JRK: variants seen among roughly 807,000 people sequenced by gnomAD.
JRK encodes the protein Jrk helix-turn-helix protein.
For missense variants in JRK, 720 were observed against 509.2 expected, an observed-to-expected ratio of 1.41 and a Z score of -3.98; for synonymous variants, 303 against 218.1, an observed-to-expected ratio of 1.39 and a Z score of -3.43.
At chr8:142,651,622 G>A in the JRK span, among the ~76,000 whole-genome samples, 1 of 145,650 alleles carries the variant, frequency 6.9e-6, no homozygotes, top group Non-Finnish European at 1.5e-5. Context: ...CTTCAGATTT[G>A]ATCAAGTCAG....
At chr8:142,666,595 T>A in intron 1 of JRK, 75 bp from the exon 2 acceptor site, 3 of 201,834 alleles carry the variant, frequency 1.5e-5, no homozygotes, top group Non-Finnish European at 3.1e-5. Flanking sequence ...ACGACTCTCC[T>A]CACCGGGACA....
At chr8:142,656,130 C>T (rs1472421042), downstream of JRK, among the ~76,000 whole-genome samples, 1 of 152,208 alleles carries the variant, frequency 6.6e-6, no homozygotes, top group Non-Finnish European at 1.5e-5. Flanking sequence ...AGTGTATAGG[C>T]CATACTTTCC....
rs587596707 is a variant in JRK at position 142,664,138 on chromosome 8, C to T, written c.*214G>A. 112 of 1,331,882 alleles carry T rather than the reference C, an allele frequency of 8.4e-5. No individual in the cohort carries two copies. The African/African-American group carries it at 1.5e-3, about 18-fold the overall frequency. 82.5% of individuals were successfully genotyped at this position (1,331,882 alleles called of 1,614,324 possible). ...AACATTTCCTCACTTTCGGATGACA[C>T]GGCAAGTGATAAAATAAAACCTGTA... On this transcript the variant is annotated 3_prime_UTR_variant, in exon 2 of 2. Coordinates refer to ENST00000612905, the MANE Select transcript of JRK (RefSeq NM_003724.4).
In JRK at chr8:142,662,515, C is replaced by A. The variant is rs1846948055; in HGVS notation, c.*1837G>T. On this transcript the variant is annotated 3_prime_UTR_variant, in exon 2 of 2. Coordinates refer to ENST00000612905, the MANE Select transcript of JRK (RefSeq NM_003724.4). ...ACAATGAAGCAAACAGTGCGGGTGACACCACAAAGACAATGGGACACAAAT... is the reference window on the plus strand; with the variant it reads ...ACAATGAAGCAAACAGTGCGGGTGAAACCACAAAGACAATGGGACACAAAT... 1.0e-6 allele frequency: 1 copy of A among 985,354 alleles called. No homozygotes were observed. The highest frequency in any genetic ancestry group is 1.7e-5 in the African/African-American group (1 of 57,228). 61.0% of individuals were successfully genotyped at this position (985,354 alleles called of 1,614,324 possible). A position where few individuals can be genotyped will look rare whatever the true frequency, so the allele number is the denominator to read the frequency against.
the JRK span, among the ~76,000 whole-genome samples, chr8:142,646,000 C>CG: frequency 6.6e-6 from 1 of 151,524 alleles, no homozygotes; most frequent in South Asian, 2.1e-4. Flanking sequence ...AAAGCACACA[C>CG]TTTTTTTTAG....
Position 142,659,000 on chromosome 8 carries a change from A to T in JRK, c.*5352T>A, listed in dbSNP as rs1349637531. On this transcript the variant is annotated 3_prime_UTR_variant, in exon 2 of 2. Coordinates refer to ENST00000612905, the MANE Select transcript of JRK (RefSeq NM_003724.4). ...AGGAGCGTCAGTATGTCCACACCAT[A>T]GGGGTGTAGTCACTTCCCTCTGCCA... 1.5e-5 allele frequency: 23 copies of T among 1,574,320 alleles called. No individual in the cohort carries two copies. Among genetic ancestry groups the T allele is most frequent in the Non-Finnish European group, 2.0e-5 (23 of 1,158,534 alleles).
chr8:142,663,405 C>A lies in JRK; in HGVS notation c.*947G>T. ...GTGCTAACAGCTGGGGATAAGAGCA[C>A]ACATACTGCTAGAAATCTAAGCAGC... On this transcript the variant is annotated 3_prime_UTR_variant, in exon 2 of 2. Coordinates refer to ENST00000612905, the MANE Select transcript of JRK (RefSeq NM_003724.4). 1.0e-6 allele frequency: 1 copy of A among 985,460 alleles called. No individual in the cohort carries two copies. Among genetic ancestry groups the A allele is most frequent in the Non-Finnish European group, 1.2e-6 (1 of 829,950 alleles). The allele number at this position is 985,460 out of a possible 1,614,324, so 61.0% of individuals were successfully genotyped here. A position where few individuals can be genotyped will look rare whatever the true frequency, so the allele number is the denominator to read the frequency against.
Position 142,662,546 on chromosome 8 carries a change from C to G in JRK, c.*1806G>C, listed in dbSNP as rs1451446748. The G allele has an allele frequency of 1.0e-6, 1 of 985,296 alleles. No homozygotes were observed. 61.0% of individuals were successfully genotyped at this position (985,296 alleles called of 1,614,324 possible). Reference sequence around the variant, plus strand: ...AAAGACAATGGGACACAAATGGGAACTGGGACTGTCGTTCAGCACCGAGAT... The same window carrying G: ...AAAGACAATGGGACACAAATGGGAAGTGGGACTGTCGTTCAGCACCGAGAT... On this transcript the variant is annotated 3_prime_UTR_variant, in exon 2 of 2. Transcript: ENST00000612905.
Position 142,660,963 on chromosome 8 carries a change from C to T in JRK, c.*3389G>A, listed in dbSNP as rs939767310. 4 of 985,344 alleles carry T rather than the reference C, an allele frequency of 4.1e-6. No homozygotes were observed. The highest frequency in any genetic ancestry group is 1.7e-5 in the African/African-American group (1 of 57,228). 61.0% of individuals were successfully genotyped at this position (985,344 alleles called of 1,614,324 possible). A position where few individuals can be genotyped will look rare whatever the true frequency, so the allele number is the denominator to read the frequency against. ...TCCAACCCCAGCGAGCTGGGGAAGC[C>T]GTGGGCAGGGGCTGCGACTTCCTTT... On this transcript the variant is annotated 3_prime_UTR_variant, in exon 2 of 2. Transcript: ENST00000612905.
rs750530 is a variant in JRK, at chr8:142,663,514, A to T, written c.*838T>A. ...ATCAAGACGTATTCATGTAAAGGCC[A>T]TAAGTATGAAATTCTGGGCAACATG... On this transcript the variant is annotated 3_prime_UTR_variant, in exon 2 of 2. Coordinates refer to ENST00000612905, the MANE Select transcript of JRK (RefSeq NM_003724.4). The T allele has an allele frequency of 1.2e-4, 121 of 985,268 alleles. No individual in the cohort carries two copies. Among genetic ancestry groups the T allele is most frequent in the East Asian group, 7.9e-4 (7 of 8,816 alleles). The allele number at this position is 985,268 out of a possible 1,614,324, so 61.0% of individuals were successfully genotyped here.
In JRK at chr8:142,663,028, C is replaced by G; in HGVS notation, c.*1324G>C. ...AATAAAAAGGCGCGGTGGTGCGTGC[C>G]TCTAGTCCCAGCTACTCAGGAGGCT... On this transcript the variant is annotated 3_prime_UTR_variant, in exon 2 of 2. Transcript: ENST00000612905. 1.7e-6 allele frequency: 1 copy of G among 586,084 alleles called. No homozygotes were observed. Among genetic ancestry groups the G allele is most frequent in the Non-Finnish European group, 2.1e-6 (1 of 465,332 alleles). 36.3% of individuals were successfully genotyped at this position (586,084 alleles called of 1,614,324 possible). A position where few individuals can be genotyped will look rare whatever the true frequency, so the allele number is the denominator to read the frequency against.
Position 142,659,058 on chromosome 8 carries a change from T to C in JRK, c.*5294A>G, listed in dbSNP as rs1382898697. ...TGGTGGAGGAAGAATGGATTCCTAGTGTATTTTTTCTCTTCAGAACTGACA... is the reference window on the plus strand; with the variant it reads ...TGGTGGAGGAAGAATGGATTCCTAGCGTATTTTTTCTCTTCAGAACTGACA... On this transcript the variant is annotated 3_prime_UTR_variant, in exon 2 of 2. Coordinates refer to ENST00000612905, the MANE Select transcript of JRK (RefSeq NM_003724.4). 17 of 1,444,408 alleles carry C rather than the reference T, an allele frequency of 1.2e-5. No homozygotes were observed. In the East Asian group the frequency reaches 4.4e-4, roughly 37 times the overall value. 89.5% of individuals were successfully genotyped at this position (1,444,408 alleles called of 1,614,324 possible). A position where few individuals can be genotyped will look rare whatever the true frequency, so the allele number is the denominator to read the frequency against.
rs782334319 is a variant in JRK, at chr8:142,658,900, C to T, written c.*5452G>A. On this transcript the variant is annotated 3_prime_UTR_variant, in exon 2 of 2. Transcript: ENST00000612905. ...CCAGGCAGCACTTAGGAATTGCCAA[C>T]TCCTCTGGTGAGGTCACTACCACAT... The T allele has an allele frequency of 1.2e-6, 2 of 1,613,552 alleles. No homozygotes were observed. Among genetic ancestry groups the T allele is most frequent in the Non-Finnish European group, 1.7e-6 (2 of 1,179,788 alleles).
rs1846986060 is a variant in JRK, at chr8:142,663,580, G to C, written c.*772C>G. On this transcript the variant is annotated 3_prime_UTR_variant, in exon 2 of 2. Transcript: ENST00000612905. ...AGCCAAAATGCCAAAATACCACACA[G>C]GGTCCGTGTCCTCTATCCGGGTGAT... is the stretch of plus-strand genomic sequence containing the variant. 1.0e-6 allele frequency: 1 copy of C among 985,354 alleles called. No homozygotes were observed. 61.0% of individuals were successfully genotyped at this position (985,354 alleles called of 1,614,324 possible). A position where few individuals can be genotyped will look rare whatever the true frequency, so the allele number is the denominator to read the frequency against.
Position 142,666,510 on chromosome 8 carries a change from C to G in JRK, c.-452G>C. 1 of 277,942 alleles carries G rather than the reference C, an allele frequency of 3.6e-6. No homozygotes were observed. The highest frequency in any genetic ancestry group is 7.4e-6 in the Non-Finnish European group (1 of 134,744). 17.2% of individuals were successfully genotyped at this position (277,942 alleles called of 1,614,324 possible). On this transcript the variant is annotated 5_prime_UTR_variant, in exon 2 of 2. Coordinates refer to ENST00000612905, the MANE Select transcript of JRK (RefSeq NM_003724.4). ...TCCACAATGGTATCTCCAGGCACAG[C>G]ACTTCAGGGGCTGGAAAGCAGAGGG...
rs1483650468 is a variant in JRK, at chr8:142,658,637, G to A, written c.*5715C>T. On this transcript the variant is annotated 3_prime_UTR_variant, in exon 2 of 2. Transcript: ENST00000612905. Reference sequence around the variant, plus strand: ...GCCCCACCCTCACGATCTCACCTAAGCCTAGTCACCTCCCAAAGGCCCCAC... The same window carrying A: ...GCCCCACCCTCACGATCTCACCTAAACCTAGTCACCTCCCAAAGGCCCCAC... 7 of 628,004 alleles carry A rather than the reference G, an allele frequency of 1.1e-5. No homozygotes were observed. The Admixed American group carries it at 2.0e-4, about 18-fold the overall frequency. 38.9% of individuals were successfully genotyped at this position (628,004 alleles called of 1,614,324 possible).
At chr8:142,651,024 A>G in the JRK span, among the ~76,000 whole-genome samples, 4 of 152,172 alleles carry the variant, frequency 2.6e-5, no homozygotes, top group Non-Finnish European at 4.4e-5. Flanking sequence ...CTATTTATAA[A>G]TAATATAAAC....
In JRK at chr8:142,659,464, G is replaced by GGGAAT; in HGVS notation, c.*4887_*4888insATTCC. 1.0e-6 allele frequency: 1 copy of GGGAAT among 986,568 alleles called. No homozygotes were observed. The highest frequency in any genetic ancestry group is 1.2e-6 in the Non-Finnish European group (1 of 830,680). The allele number at this position is 986,568 out of a possible 1,614,324, so 61.1% of individuals were successfully genotyped here. A position where few individuals can be genotyped will look rare whatever the true frequency, so the allele number is the denominator to read the frequency against. ...TCGTAGCTTGCTTCCCAGCCAGCCTGGGTGTGGAAATGGCCGTGCTGACAG... is the reference window on the plus strand; with the variant it reads ...TCGTAGCTTGCTTCCCAGCCAGCCTGGGAATGGTGTGGAAATGGCCGTGCTGACAG... On this transcript the variant is annotated 3_prime_UTR_variant, in exon 2 of 2. Transcript: ENST00000612905.
At position 142,665,794 on chromosome 8, in the gene JRK, G is replaced by C. The variant is rs782415613; in HGVS notation, c.265C>G (p.Leu89Val). ...AACCACTCGTACAGGACGCGGTCCA[G>C]GTGCTCCAGCTTGGGCGTGTGCAGC... ...RTLHTPKLEH[L>V]DRVLYEWFLG... The change falls in exon 2 of 2, where the codon CTG (leucine) becomes GTG (valine). Residue 89 changes from leucine to valine, a missense_variant. Transcript: ENST00000612905. 5 of 778,572 alleles carry C rather than the reference G, an allele frequency of 6.4e-6. No individual in the cohort carries two copies. The highest frequency in any genetic ancestry group is 5.1e-5 in the Admixed American group (3 of 58,824). 48.2% of individuals were successfully genotyped at this position (778,572 alleles called of 1,614,324 possible).
Sources: allele counts gnomAD v4.1 joint callset (sites outside exome capture counted in the v4.1 genomes callset), GRCh38; gene constraint gnomAD v4.1.1; transcripts MANE v1.5; gene names NCBI Gene and HGNC (gene_info 2026-07-23, HGNC 2026-07-21).